The following AGBL4 variants were observed in gnomAD, a reference collection of about 807,000 sequenced individuals.
The protein encoded by AGBL4 is cytosolic carboxypeptidase 6.
Under a neutral mutation model 66.4 loss-of-function variants are expected in AGBL4, and 58 were observed. That is an observed-to-expected ratio of 0.87 (90% CI 0.71 to 1.09). The LOEUF (loss-of-function observed/expected upper bound fraction) is 1.09, where lower values mean the gene tolerates loss of function less well. AGBL4 is among the 50% of genes least tolerant of loss of function. The probability of loss-of-function intolerance (pLI) is 0.00; values close to 1 mark genes in which losing one functional copy is unlikely to be tolerated. For synonymous variants in AGBL4, 234 were observed against 222.9 expected, an observed-to-expected ratio of 1.05 and a Z score of -0.44; for missense variants, 579 against 631.0, an observed-to-expected ratio of 0.92 and a Z score of 0.88.
At chr1:49,905,244 T>G (rs554417215) in intron 1 of AGBL4, among the ~76,000 whole-genome samples, 90 of 152,176 alleles carry the variant, frequency 5.9e-4, no homozygotes, top group Non-Finnish European at 1.0e-3. Context: ...CAATGTATCC[T>G]GAGTAAGGTT....
At chr1:48,932,185 T>A (rs1248333595) in intron 5 of AGBL4, among the ~76,000 whole-genome samples, 2 of 152,148 alleles carry the variant, frequency 1.3e-5, no homozygotes, top group Non-Finnish European at 2.9e-5. Flanking sequence ...CAGAGATAGG[T>A]ATGCAGGATG....
chr1:49,944,471 C>A (rs776813591), intron 1 of AGBL4, among the ~76,000 whole-genome samples: 6 of 152,098 alleles, frequency 3.9e-5, no homozygotes, highest in Admixed American at 6.6e-5. Flanking sequence ...ACAATCACTA[C>A]AGCTCAGGCC....
intron 11 of AGBL4, among the ~76,000 whole-genome samples, chr1:48,547,390 T>C (rs1212810388): frequency 6.6e-6 from 1 of 151,704 alleles, no homozygotes; most frequent in Non-Finnish European, 1.5e-5. Flanking sequence ...TGCTTCCAAG[T>C]TGGATGTGGG....
At chr1:49,044,850 C>T (rs1195927600) in intron 5 of AGBL4, among the ~76,000 whole-genome samples, 1 of 152,114 alleles carries the variant, frequency 6.6e-6, no homozygotes, top group Non-Finnish European at 1.5e-5. Flanking sequence ...ATAAATTCTC[C>T]CTTAAAGCCT....
rs1644564980 is a variant in AGBL4 at position 49,790,343 on chromosome 1, GACA to G, written c.157+61050_157+61052del. ...CGCATGACTGCATTCCAGCCTGGGTGACAGAGTGAGATTCTATCTCAAAAAAAA... is the reference window on the plus strand; with the variant it reads ...CGCATGACTGCATTCCAGCCTGGGTGGAGTGAGATTCTATCTCAAAAAAAA... On this transcript the variant is annotated intron_variant, in intron 2 of 13. Coordinates refer to ENST00000371839, the MANE Select transcript of AGBL4 (RefSeq NM_032785.4). 1.2e-4 allele frequency among the ~76,000 whole-genome samples: 17 copies of G among 137,540 alleles called. No homozygotes were observed. The South Asian group carries it at 4.1e-3, about 33-fold the overall frequency. 90.2% of individuals were successfully genotyped at this position (137,540 alleles called of 152,430 possible).
intron 5 of AGBL4, among the ~76,000 whole-genome samples, chr1:49,034,727 TCTC>T (rs1472644481): frequency 2.0e-5 from 3 of 152,062 alleles, no homozygotes; most frequent in African/African-American, 4.8e-5. Flanking sequence ...GCTGAGCACT[TCTC>T]CTTGCTGACA....
At chr1:48,708,261 TGCATGG>T (rs985847797) in intron 6 of AGBL4, among the ~76,000 whole-genome samples, 1 of 152,098 alleles carries the variant, frequency 6.6e-6, no homozygotes, top group Non-Finnish European at 1.5e-5. Context: ...TGCCTCTCTG[TGCATGG>T]GCCAGATAAC....
intron 4 of AGBL4, among the ~76,000 whole-genome samples, chr1:49,052,286 AG>A (rs1181507116): frequency 2.0e-5 from 3 of 152,194 alleles, no homozygotes; most frequent in African/African-American, 7.2e-5. Flanking sequence ...GGCTGCTGGC[AG>A]AATGCCAATG....
chr1:49,834,132 C>A (rs1256060878), intron 2 of AGBL4, among the ~76,000 whole-genome samples: 1 of 151,992 alleles, frequency 6.6e-6, no homozygotes. Flanking sequence ...CTTTTTCTAT[C>A]GTTTGGAATA....
At chr1:49,702,037 A>G (rs2124629756) in intron 2 of AGBL4, among the ~76,000 whole-genome samples, 1 of 152,304 alleles carries the variant, frequency 6.6e-6, no homozygotes, top group East Asian at 1.9e-4. Flanking sequence ...TGTTGTCTGG[A>G]AAGACAACAA....
At chr1:49,674,822 G>T (rs1016984233) in intron 3 of AGBL4, among the ~76,000 whole-genome samples, 5 of 152,110 alleles carry the variant, frequency 3.3e-5, no homozygotes, top group Admixed American at 6.6e-5. Flanking sequence ...ATGAAAGTAT[G>T]TCAAGCAGTA....
chr1:49,552,654 G>A (rs1653060291), intron 3 of AGBL4, among the ~76,000 whole-genome samples: 1 of 152,324 alleles, frequency 6.6e-6, no homozygotes, highest in African/African-American at 2.4e-5. Flanking sequence ...AGTATTTGGG[G>A]TGTCTTCTGG....
chr1:49,857,949 T>C (rs1255811388), intron 1 of AGBL4, among the ~76,000 whole-genome samples: 1 of 151,958 alleles, frequency 6.6e-6, no homozygotes, highest in Non-Finnish European at 1.5e-5. Context: ...AAAGAAAATA[T>C]TTGCAAATTA....
intron 8 of AGBL4, among the ~76,000 whole-genome samples, chr1:48,643,213 C>T (rs1195190153): frequency 6.6e-6 from 1 of 152,180 alleles, no homozygotes; most frequent in Non-Finnish European, 1.5e-5. Context: ...AATCTGTAAA[C>T]CATACAAGGG....
chr1:49,074,074 A>T (rs902196480), intron 4 of AGBL4, among the ~76,000 whole-genome samples: 2 of 152,094 alleles, frequency 1.3e-5, no homozygotes, highest in Non-Finnish European at 2.9e-5. Flanking sequence ...GCAATGGCGG[A>T]TGCCCCTCCC....
intron 1 of AGBL4, among the ~76,000 whole-genome samples, chr1:49,946,109 T>A (rs997426683): frequency 3.3e-5 from 5 of 150,772 alleles, no homozygotes; most frequent in African/African-American, 1.2e-4. Context: ...ATAATAACAG[T>A]AGGGAACTTC....
At chr1:48,879,701 T>G (rs546687873) in intron 5 of AGBL4, among the ~76,000 whole-genome samples, 1 of 152,144 alleles carries the variant, frequency 6.6e-6, no homozygotes, top group Non-Finnish European at 1.5e-5. Flanking sequence ...CCTCACAACA[T>G]ATCTGTACCA....
chr1:49,410,277 T>C (rs1296946570), intron 3 of AGBL4, among the ~76,000 whole-genome samples: 1 of 152,178 alleles, frequency 6.6e-6, no homozygotes, highest in Non-Finnish European at 1.5e-5. Context: ...CAGAAATCTA[T>C]TTTGAGTTTC....
At chr1:48,701,295 C>T (rs1441339792) in intron 6 of AGBL4, among the ~76,000 whole-genome samples, 4 of 152,200 alleles carry the variant, frequency 2.6e-5, no homozygotes, top group Non-Finnish European at 5.9e-5. Flanking sequence ...AGAACACCCA[C>T]CCTGTGGGGT....
Sources: allele counts gnomAD v4.1 joint callset (sites outside exome capture counted in the v4.1 genomes callset), GRCh38; gene constraint gnomAD v4.1.1; transcripts MANE v1.5; gene names NCBI Gene and HGNC (gene_info 2026-07-23, HGNC 2026-07-21).